KIF18A: variants seen among roughly 807,000 people sequenced by gnomAD.
The protein encoded by KIF18A is kinesin family member 18A, also known as kinesin-like protein KIF18A.
A neutral mutation model predicts 103.3 loss-of-function variants in KIF18A; 67 were observed. The observed-to-expected ratio is 0.65, with a 90% CI of 0.53 to 0.79. The LOEUF (loss-of-function observed/expected upper bound fraction) is 0.79, where lower values mean the gene tolerates loss of function less well. Among genes scored for constraint, KIF18A ranks in the 30% least tolerant of loss-of-function variants. The pLI is 0.00. For synonymous variants in KIF18A, 367 were observed against 355.5 expected (o/e 1.03, Z -0.36); for missense variants, 1,032 against 1,062.5 (o/e 0.97, Z 0.40).
At chr11:28,087,670 T>C (rs1194748237) in intron 6 of KIF18A, among the ~76,000 whole-genome samples, 1 of 152,198 alleles carries the variant, frequency 6.6e-6, no homozygotes, top group Non-Finnish European at 1.5e-5. Flanking sequence ...CACACTGTCT[T>C]CCACAATGGT....
chr11:28,021,156 A>C lies in KIF18A; in HGVS notation c.*44T>G. On this transcript the variant is annotated 3_prime_UTR_variant, in exon 17 of 17. Transcript: ENST00000263181. ...TTGAAAGGGTATTGATAAACTTTGA[A>C]AAGCAGATTTGATCAACTTCATTTT... 6.9e-7 allele frequency: 1 copy of C among 1,440,234 alleles called. No homozygotes were observed. The highest frequency in any genetic ancestry group is 9.2e-7 in the Non-Finnish European group (1 of 1,092,042). The allele number at this position is 1,440,234 out of a possible 1,614,324, so 89.2% of individuals were successfully genotyped here. A position where few individuals can be genotyped will look rare whatever the true frequency, so the allele number is the denominator to read the frequency against.
At chr11:28,093,949 C>T (rs144931938) in intron 3 of KIF18A, among the ~76,000 whole-genome samples, 61 of 152,268 alleles carry the variant, frequency 4.0e-4, no homozygotes, top group Non-Finnish European at 4.7e-4. Flanking sequence ...AGAAACTCTA[C>T]AGACCACAGC....
At chr11:28,090,515 TACAG>T (rs914754046) in intron 5 of KIF18A, 98 bp downstream of exon 5, 21 of 706,658 alleles carry the variant, frequency 3.0e-5, no homozygotes, top group Admixed American at 4.5e-5. Flanking sequence ...AAGTGAAGTC[TACAG>T]ACAGATTTTT....
intron 15 of KIF18A, among the ~76,000 whole-genome samples, chr11:28,033,926 A>G (rs1850445056): frequency 6.6e-6 from 1 of 151,748 alleles, no homozygotes; most frequent in East Asian, 1.9e-4. Flanking sequence ...ATTATTACAC[A>G]TTGTATGCTT....
At chr11:28,063,540 G>C (rs1850881576) in intron 11 of KIF18A, among the ~76,000 whole-genome samples, 1 of 151,918 alleles carries the variant, frequency 6.6e-6, no homozygotes, top group Admixed American at 6.6e-5. Flanking sequence ...CAGGTGTCCT[G>C]TAATCTACCA....
chr11:28,077,374 G>T (rs532876660), intron 9 of KIF18A, among the ~76,000 whole-genome samples: 3 of 152,214 alleles, frequency 2.0e-5, no homozygotes, highest in African/African-American at 7.2e-5. Context: ...ACTACATTAG[G>T]TTTCTTTCTC....
chr11:28,076,323 G>C (rs559782704), intron 10 of KIF18A, among the ~76,000 whole-genome samples: 2 of 152,174 alleles, frequency 1.3e-5, no homozygotes, highest in East Asian at 3.9e-4. Context: ...ATCTCCTGTT[G>C]GTCTAAGTTG....
chr11:28,085,805 C>T (rs541668330), intron 6 of KIF18A, among the ~76,000 whole-genome samples: 2 of 152,186 alleles, frequency 1.3e-5, no homozygotes, highest in South Asian at 4.2e-4. Context: ...CTCTCGTCTC[C>T]GCACACGGGG....
chr11:28,102,176 C>G (rs1851454088), intron 1 of KIF18A, among the ~76,000 whole-genome samples: 1 of 152,078 alleles, frequency 6.6e-6, no homozygotes, highest in Admixed American at 6.5e-5. Flanking sequence ...GCCAGGCACC[C>G]TTTTAGCTCT....
At chr11:28,037,786 T>C (rs1052910939) in intron 13 of KIF18A, among the ~76,000 whole-genome samples, 4 of 151,606 alleles carry the variant, frequency 2.6e-5, no homozygotes, top group Non-Finnish European at 5.9e-5. Context: ...AGTCTGATGA[T>C]CTTTCTCAGC....
At chr11:28,038,565 A>G (rs932086264) in intron 13 of KIF18A, among the ~76,000 whole-genome samples, 1 of 151,702 alleles carries the variant, frequency 6.6e-6, no homozygotes, top group African/African-American at 2.4e-5. Context: ...GCAGAATAAG[A>G]TAAGTGTTAT....
intron 2 of KIF18A, 100 bp from the exon 3 acceptor site, chr11:28,094,900 AT>A: frequency 8.4e-7 from 1 of 1,188,970 alleles, no homozygotes; most frequent in Non-Finnish European, 1.2e-6. Context: ...CCTGAACAGT[AT>A]CTTTAAACCC....
intron 15 of KIF18A, among the ~76,000 whole-genome samples, chr11:28,031,814 A>G (rs1286233321): frequency 6.6e-6 from 1 of 151,996 alleles, no homozygotes; most frequent in Admixed American, 6.6e-5. Flanking sequence ...TAAGTTGTGG[A>G]ACATGACAAG....
rs547139513 is a variant in KIF18A, at chr11:28,094,862, T to C, written c.326-62A>G. On this transcript the variant is annotated intron_variant, in intron 2 of 16. Coordinates refer to ENST00000263181, the MANE Select transcript of KIF18A (RefSeq NM_031217.4). ...TGAAATATAACTCTATTATATCTAC[T>C]ATCTAGTGGATAGTTCCATCTGGAT... The C allele has an allele frequency of 1.2e-5, 18 of 1,465,480 alleles. No homozygotes were observed. The East Asian group carries it at 2.3e-4, about 18-fold the overall frequency. 90.8% of individuals were successfully genotyped at this position (1,465,480 alleles called of 1,614,324 possible). A position where few individuals can be genotyped will look rare whatever the true frequency, so the allele number is the denominator to read the frequency against.
intron 1 of KIF18A, among the ~76,000 whole-genome samples, chr11:28,104,824 A>T (rs1851485867): frequency 6.6e-6 from 1 of 152,162 alleles, no homozygotes; most frequent in Non-Finnish European, 1.5e-5. Flanking sequence ...GACTTATAGC[A>T]TGTTACCATT....
chr11:28,095,080 A>C (rs374477643), intron 2 of KIF18A, among the ~76,000 whole-genome samples: 157 of 152,316 alleles, frequency 1.0e-3, no homozygotes, highest in African/African-American at 3.7e-3. Context: ...ATTAGTCTTC[A>C]TCTTCCATCT....
intron 1 of KIF18A, among the ~76,000 whole-genome samples, chr11:28,107,562 C>T (rs1851547151): frequency 1.3e-5 from 2 of 152,156 alleles, no homozygotes; most frequent in South Asian, 4.1e-4. Context: ...AACTGGGGCT[C>T]AGGAGGGGTT....
chr11:28,040,454 A>T (rs1483250840), intron 13 of KIF18A, among the ~76,000 whole-genome samples: 2 of 151,746 alleles, frequency 1.3e-5, no homozygotes, highest in Non-Finnish European at 2.9e-5. Flanking sequence ...TATAGAGTAG[A>T]AGTGATAAGA....
intron 6 of KIF18A, 110 bp from the exon 7 acceptor site, chr11:28,084,918 A>G: frequency 1.4e-6 from 1 of 723,762 alleles, no homozygotes; most frequent in Non-Finnish European, 2.3e-6. Flanking sequence ...CCGAGGCAAG[A>G]GACTGAAGGT....
Sources: allele counts gnomAD v4.1 joint callset (sites outside exome capture counted in the v4.1 genomes callset), GRCh38; gene constraint gnomAD v4.1.1; transcripts MANE v1.5; gene names NCBI Gene and HGNC (gene_info 2026-07-23, HGNC 2026-07-21).